Variants in ZNF350 observed in about 807,000 individuals in gnomAD.
ZNF350 encodes the protein KRAB zinc finger protein ZFQR.
ZNF350 carries 5 observed loss-of-function variants against 13.1 expected under a neutral mutation model. The ratio of observed to expected loss-of-function variants is 0.38; its 90% confidence interval spans 0.20 to 0.80. ZNF350 has a LOEUF of 0.80. ZNF350 is among the 30% of genes least tolerant of loss of function. The pLI is 0.43. For missense variants in ZNF350, 534 were observed against 644.2 expected (o/e 0.83, Z 1.85); for synonymous variants, 199 against 224.2 (o/e 0.89, Z 1.00).
chr19:51,986,210 A>G (rs889512310), intron 1 of ZNF350, among the ~76,000 whole-genome samples: 1 of 152,042 alleles, frequency 6.6e-6, no homozygotes, highest in African/African-American at 2.4e-5. Context: ...GAGTAGATAT[A>G]TGGTTTCGAA....
Position 51,964,771 on chromosome 19 carries a change from TTC to T in ZNF350, c.*81_*82del. 2 of 1,455,164 alleles carry T rather than the reference TTC, an allele frequency of 1.4e-6. No homozygotes were observed. The highest frequency in any genetic ancestry group is 4.1e-5 in the Admixed American group (2 of 48,568). 90.1% of individuals were successfully genotyped at this position (1,455,164 alleles called of 1,614,324 possible). A position where few individuals can be genotyped will look rare whatever the true frequency, so the allele number is the denominator to read the frequency against. ...TCAGGCTATCTCAGCCTTATACATG[TTC>T]TCTCAGTGTATGCTTTTCGGCCACA... is the stretch of plus-strand genomic sequence containing the variant. On this transcript the variant is annotated 3_prime_UTR_variant, in exon 5 of 5. Transcript: ENST00000243644.
intron 1 of ZNF350, among the ~76,000 whole-genome samples, chr19:51,980,360 G>C (rs1318151364): frequency 1.3e-5 from 2 of 152,132 alleles, no homozygotes; most frequent in African/African-American, 4.8e-5. Context: ...TGTGTCCATA[G>C]AGCCTTAGGC....
chr19:51,984,427 A>G lies in ZNF350; in HGVS notation c.-172+2343T>C, dbSNP rs532814974. On this transcript the variant is annotated intron_variant, in intron 1 of 4. Transcript: ENST00000243644. ...AAGCAAACTATATCCTGCTAGGGGA[A>G]CTGTAAGTGGTACAACCACTTTAGA... is the stretch of plus-strand genomic sequence containing the variant. 4.3e-4 allele frequency among the ~76,000 whole-genome samples: 66 copies of G among 152,328 alleles called. No individual in the cohort carries two copies. The South Asian group carries it at 6.8e-3, about 16-fold the overall frequency.
intron 4 of ZNF350, among the ~76,000 whole-genome samples, chr19:51,967,012 G>A (rs2122873293): frequency 6.6e-6 from 1 of 152,156 alleles, no homozygotes; most frequent in South Asian, 2.1e-4. Context: ...TATGACCTGA[G>A]TGTAAATAAA....
intron 4 of ZNF350, among the ~76,000 whole-genome samples, chr19:51,966,668 G>T (rs2085588072): frequency 6.6e-6 from 1 of 150,740 alleles, no homozygotes; most frequent in Non-Finnish European, 1.5e-5. Flanking sequence ...GTTTTTTGGG[G>T]ACGGAGTCTC....
chr19:51,968,320 C>T (rs902016022), intron 4 of ZNF350, among the ~76,000 whole-genome samples: 6 of 151,830 alleles, frequency 4.0e-5, no homozygotes, highest in East Asian at 1.9e-4. Flanking sequence ...ACTTGAAACC[C>T]GAGGAAGAAG....
intron 1 of ZNF350, among the ~76,000 whole-genome samples, chr19:51,979,024 GAGACTGGAGGA>G (rs1346576619): frequency 1.3e-5 from 2 of 152,136 alleles, no homozygotes; most frequent in Non-Finnish European, 2.9e-5. Flanking sequence ...CATGGAATGG[GAGACTGGAGGA>G]ACCCAGGGTG....
intron 4 of ZNF350, chr19:51,968,343 G>C: frequency 1.9e-6 from 1 of 523,176 alleles, no homozygotes; most frequent in South Asian, 2.3e-5. Context: ...AATTATGCAG[G>C]CAAACAAACA....
intron 2 of ZNF350, 80 bp from the exon 3 acceptor site, chr19:51,969,211 C>G: frequency 6.4e-7 from 1 of 1,552,044 alleles, no homozygotes; most frequent in Non-Finnish European, 8.8e-7. Flanking sequence ...TGCTCATTTC[C>G]ACTCTACAGG....
At chr19:51,970,006 C>T (rs748975107) in intron 2 of ZNF350, among the ~76,000 whole-genome samples, 12 of 151,880 alleles carry the variant, frequency 7.9e-5, no homozygotes, top group Non-Finnish European at 1.6e-4. Context: ...AATTCTTCTG[C>T]CCCAGCCTCC....
chr19:51,967,254 A>G (rs2122874359), intron 4 of ZNF350: 1 of 152,228 alleles, frequency 6.6e-6, no homozygotes, highest in East Asian at 1.9e-4. Flanking sequence ...TTCATTCCAC[A>G]TACTCTTACT....
Position 51,968,568 on chromosome 19 carries a change from G to A in ZNF350, c.238+10C>T. On this transcript the variant is annotated intron_variant, in intron 4 of 4. Transcript: ENST00000243644. The stretch of plus-strand genomic sequence containing the variant: ...ACTTCCATAGCCTTCTGTCTTGTGG[G>A]TTCTCTCACCTGAACAGGCTCCACT... 1 of 1,612,572 alleles carries A rather than the reference G, an allele frequency of 6.2e-7. No individual in the cohort carries two copies. The highest frequency in any genetic ancestry group is 8.5e-7 in the Non-Finnish European group (1 of 1,178,714).
chr19:51,969,263 G>A (rs1347390255), intron 2 of ZNF350, 132 bp from the exon 3 acceptor site: 5 of 1,028,674 alleles, frequency 4.9e-6, no homozygotes, highest in Non-Finnish European at 6.9e-6. Context: ...AATACAATGT[G>A]GAAGAAGTAA....
At chr19:51,977,070 A>G (rs939603470) in intron 1 of ZNF350, among the ~76,000 whole-genome samples, 4 of 152,234 alleles carry the variant, frequency 2.6e-5, no homozygotes, top group African/African-American at 4.8e-5. Flanking sequence ...TTGCAGAAAC[A>G]TCTGTACTGC....
chr19:51,975,020 T>C (rs2085845253), intron 1 of ZNF350, among the ~76,000 whole-genome samples: 1 of 152,238 alleles, frequency 6.6e-6, no homozygotes, highest in Non-Finnish European at 1.5e-5. Flanking sequence ...TAGGAGGTTT[T>C]AAATACATAA....
Position 51,966,058 on chromosome 19 carries a change from C to CGTAA in ZNF350, c.391_394dup (p.Arg132LeufsTer14), listed in dbSNP as rs1568476392. 3.7e-6 allele frequency: 6 copies of CGTAA among 1,614,030 alleles called. No homozygotes were observed. The highest frequency in any genetic ancestry group is 4.2e-6 in the Non-Finnish European group (5 of 1,180,008). ...TAAATTGGATTTCAAACTTTTTCCA[C>CGTAA]GTAAGTCAAATATATCATGATTTTG... On this transcript the variant is annotated frameshift_variant, in exon 5 of 5. Coordinates refer to ENST00000243644, the MANE Select transcript of ZNF350 (RefSeq NM_021632.4). LOFTEE classifies it low-confidence loss of function (END_TRUNC).
At position 51,968,923 on chromosome 19, in the gene ZNF350, G is replaced by T. The variant is rs188830731; in HGVS notation, c.142+82C>A. 2.1e-5 allele frequency: 34 copies of T among 1,612,398 alleles called. No homozygotes were observed. The African/African-American group carries it at 4.1e-4, about 20-fold the overall frequency. On this transcript the variant is annotated intron_variant, in intron 3 of 4. Transcript: ENST00000243644. Reference sequence around the variant, plus strand: ...GAATCTACCACTTCAGAGTACTGCAGGCATTCCAAAGAGGTAGGCATCTGA... The same window carrying T: ...GAATCTACCACTTCAGAGTACTGCATGCATTCCAAAGAGGTAGGCATCTGA...
Position 51,966,096 on chromosome 19 carries a change from C to G in ZNF350, c.357G>C (p.Gln119His), listed in dbSNP as rs762785123. The G allele has an allele frequency of 7.8e-5, 126 of 1,613,906 alleles. No individual in the cohort carries two copies. The highest frequency in any genetic ancestry group is 1.0e-4 in the Non-Finnish European group (123 of 1,180,034). Residue 119 changes from glutamine (Q) to histidine (H), a missense_variant, in exon 5 of 5, where the codon CAG (glutamine) becomes CAC (histidine). Transcript: ENST00000243644. ...TATCATGATTTTGCCCTAACAGAAA[C>G]TGACTTTTGCTGCAATGAACAATAT... The part of the protein sequence containing the change: ...FENIVHCSKS[Q>H]FLLGQNHDIF...
intron 2 of ZNF350, among the ~76,000 whole-genome samples, chr19:51,970,457 A>T (rs530948906): frequency 1.3e-4 from 19 of 150,590 alleles, no homozygotes; most frequent in Admixed American, 4.6e-4. Context: ...TTAGGGAATC[A>T]TGACAATAAA....
Sources: allele counts gnomAD v4.1 joint callset (sites outside exome capture counted in the v4.1 genomes callset), GRCh38; gene constraint gnomAD v4.1.1; transcripts MANE v1.5; gene names NCBI Gene and HGNC (gene_info 2026-07-23, HGNC 2026-07-21).